The following STRADB variants were observed in gnomAD, a reference collection of about 807,000 sequenced individuals.
STRADB encodes STE20-related kinase adapter protein beta.
A neutral mutation model predicts 52.1 loss-of-function variants in STRADB; 34 were observed. The ratio of observed to expected loss-of-function variants is 0.65; its 90% confidence interval spans 0.50 to 0.87. The LOEUF is 0.87. Ranked by LOEUF, STRADB falls within the 40% of genes least tolerant of loss-of-function variation. STRADB has a pLI of 0.00. For synonymous variants in STRADB, 133 were observed against 174.5 expected, an observed-to-expected ratio of 0.76 and a Z score of 1.87; for missense variants, 340 against 483.9, an observed-to-expected ratio of 0.70 and a Z score of 2.79.
intron 5 of STRADB, 39 bp from the exon 6 acceptor site, chr2:201,474,608 T>A: frequency 1.9e-6 from 3 of 1,552,038 alleles, no homozygotes; most frequent in Non-Finnish European, 2.6e-6. Flanking sequence ...GAAAAAACAG[T>A]TGTTTTTAAA....
At chr2:201,460,914 T>TC (rs1402923638) in intron 3 of STRADB, 26 of 155,822 alleles carry the variant, frequency 1.7e-4, no homozygotes, top group Non-Finnish European at 2.8e-4. Context: ...TGGTAGTTTT[T>TC]TTTTTTTTTT....
chr2:201,460,256 G>A (rs1238764923), intron 3 of STRADB, among the ~76,000 whole-genome samples: 1 of 152,064 alleles, frequency 6.6e-6, no homozygotes, highest in African/African-American at 2.4e-5. Context: ...AAAATTTGGA[G>A]TACATAGAAG....
rs111941783 is a variant in STRADB at position 201,469,965 on chromosome 2, A to G, written c.106A>G (p.Thr36Ala). Residue 36 changes from threonine (T) to alanine (A), a missense_variant, in exon 4 of 12, where the codon ACC (threonine) becomes GCC (alanine). Thr to Ala is a moderately conservative substitution (Grantham distance 58, BLOSUM62 0). Coordinates refer to ENST00000194530, the MANE Select transcript of STRADB (RefSeq NM_018571.6). ...SIHQYLVDEP[T>A]LSWSRPSTRA... ...AAAACAAATGCAGGTTGATGAGCCA[A>G]CCCTTTCCTGGTCACGTCCATCCAC... 5.2e-5 allele frequency: 84 copies of G among 1,613,466 alleles called. No individual in the cohort carries two copies. The African/African-American group carries it at 7.9e-4, about 15-fold the overall frequency.
chr2:201,480,212 C>G lies in STRADB; in HGVS notation c.*37C>G, dbSNP rs1559470528. On this transcript the variant is annotated 3_prime_UTR_variant, in exon 12 of 12. Transcript: ENST00000194530. ...CATTTTATGTCCTATATACTTGACA[C>G]TTTCTCCTTGCTGCTTTTTCTTCTG... 1.2e-6 allele frequency: 2 copies of G among 1,600,280 alleles called. No homozygotes were observed. Among genetic ancestry groups the G allele is most frequent in the South Asian group, 2.3e-5 (2 of 88,530 alleles).
At chr2:201,468,767 A>T (rs558959984) in intron 3 of STRADB, among the ~76,000 whole-genome samples, 1 of 152,198 alleles carries the variant, frequency 6.6e-6, no homozygotes, top group Non-Finnish European at 1.5e-5. Context: ...ACAGGCTTAC[A>T]GGTTGATATC....
intron 7 of STRADB, among the ~76,000 whole-genome samples, chr2:201,477,063 T>TTG (rs1952487866): frequency 9.6e-6 from 1 of 103,912 alleles, no homozygotes; most frequent in Non-Finnish European, 2.1e-5. Context: ...TTTTTTTTTT[T>TTG]TTTTTTTTTT....
At chr2:201,476,447 C>T (rs1188050127) in intron 7 of STRADB, among the ~76,000 whole-genome samples, 1 of 151,006 alleles carries the variant, frequency 6.6e-6, no homozygotes, top group Non-Finnish European at 1.5e-5. Context: ...TTATATGTCA[C>T]CAGATGATTG....
intron 3 of STRADB, among the ~76,000 whole-genome samples, chr2:201,459,575 A>G (rs1952180979): frequency 6.6e-6 from 1 of 152,118 alleles, no homozygotes; most frequent in Admixed American, 6.5e-5. Flanking sequence ...CCTACTTCAC[A>G]TGAGCACTGC....
At chr2:201,469,501 T>C (rs966389177) in intron 3 of STRADB, among the ~76,000 whole-genome samples, 11 of 152,198 alleles carry the variant, frequency 7.2e-5, no homozygotes, top group Admixed American at 6.5e-4. Context: ...TTTAATAGGC[T>C]GCAGTCTGGA....
rs190248021 is a variant in STRADB, at chr2:201,454,244, A to G, written c.-95-502A>G. ...TGATTCTTTCCCATATTTGCTGGTC[A>G]GGGACCCCAAATGATTTAATACGTA... On this transcript the variant is annotated intron_variant, in intron 1 of 11. Transcript: ENST00000194530. Among the ~76,000 whole-genome samples, 12 of 152,330 alleles carry G rather than the reference A, an allele frequency of 7.9e-5. No homozygotes were observed. The East Asian group carries it at 2.3e-3, about 29-fold the overall frequency.
chr2:201,474,885 T>C, intron 6 of STRADB, 130 bp downstream of exon 6: 1 of 701,760 alleles, frequency 1.4e-6, no homozygotes. Context: ...GATTTCATGG[T>C]ATATTTCTAT....
intron 3 of STRADB, among the ~76,000 whole-genome samples, chr2:201,468,038 A>G (rs1359548267): frequency 2.5e-5 from 3 of 120,014 alleles, no homozygotes. Context: ...ATCTGGGCCC[A>G]GTTTTCTAGC....
At chr2:201,477,554 C>T in intron 7 of STRADB, 65 bp from the exon 8 acceptor site, 6 of 1,491,184 alleles carry the variant, frequency 4.0e-6, no homozygotes, top group South Asian at 1.3e-5. Context: ...TTGTTCCTGC[C>T]AGATTTTTAT....
chr2:201,465,652 G>T (rs1952289559), intron 3 of STRADB, among the ~76,000 whole-genome samples: 1 of 152,202 alleles, frequency 6.6e-6, no homozygotes, highest in African/African-American at 2.4e-5. Context: ...CTGGCTCCAA[G>T]CCCAGCACAG....
rs776405888 is a variant in STRADB, at chr2:201,480,125, G to C, written c.1207G>C (p.Glu403Gln). ...ATTGCCTCCAGTGTTACCTTGGACT[G>C]AGCCAGAATGTGATTTTCCTGATGA... is the stretch of plus-strand genomic sequence containing the variant. ...ISLPPVLPWT[E>Q]PECDFPDEKD... Residue 403 changes from glutamate to glutamine, a missense_variant, in exon 12 of 12, where the codon GAG becomes CAG. Transcript: ENST00000194530. 1.9e-6 allele frequency: 3 copies of C among 1,613,816 alleles called. No individual in the cohort carries two copies. The highest frequency in any genetic ancestry group is 1.7e-5 in the Admixed American group (1 of 60,016).
At chr2:201,458,190 T>G (rs929618982) in intron 2 of STRADB, among the ~76,000 whole-genome samples, 3 of 152,254 alleles carry the variant, frequency 2.0e-5, no homozygotes, top group African/African-American at 7.2e-5. Context: ...AGGTGTTACA[T>G]TTCTTTATTG....
At chr2:201,454,510 CT>C (rs1391955553) in intron 1 of STRADB, among the ~76,000 whole-genome samples, 2 of 152,180 alleles carry the variant, frequency 1.3e-5, no homozygotes, top group Non-Finnish European at 2.9e-5. Context: ...ATATTCAGGA[CT>C]TCTTTTTGTT....
Position 201,474,691 on chromosome 2 carries a change from A to G in STRADB, c.360A>G (p.Thr120=). ...ACTTTTTCCGGCATCCCAATATTAC[A>G]ACTTATTGGACAGTTTTCACTGTTG... The part of the protein sequence containing the change: ...LSHFFRHPNI[T]TYWTVFTVGS... The change falls in exon 6 of 12, where the codon ACA becomes ACG. Residue 120 remains threonine (T), a synonymous_variant. Transcript: ENST00000194530. 6.2e-7 allele frequency: 1 copy of G among 1,612,512 alleles called. No homozygotes were observed. The highest frequency in any genetic ancestry group is 8.5e-7 in the Non-Finnish European group (1 of 1,179,660).
At chr2:201,468,528 G>A (rs2125678297) in intron 3 of STRADB, among the ~76,000 whole-genome samples, 1 of 152,238 alleles carries the variant, frequency 6.6e-6, no homozygotes, top group South Asian at 2.1e-4. Flanking sequence ...TAATTGCCCT[G>A]GGCCTGGAGG....
Sources: allele counts gnomAD v4.1 joint callset (sites outside exome capture counted in the v4.1 genomes callset), GRCh38; gene constraint gnomAD v4.1.1; transcripts MANE v1.5; gene names NCBI Gene and HGNC (gene_info 2026-07-23, HGNC 2026-07-21).